The following ADGRB3 variants were observed in gnomAD, a reference collection of about 807,000 sequenced individuals.
ADGRB3 encodes the protein adhesion G protein-coupled receptor B3.
A neutral mutation model predicts 193.4 loss-of-function variants in ADGRB3; 37 were observed. The ratio of observed to expected loss-of-function variants is 0.19; its 90% CI spans 0.15 to 0.25. The LOEUF is 0.25. ADGRB3 is among the 10% of genes least tolerant of loss of function. The pLI is 1.00. For missense variants in ADGRB3, 1,637 were observed against 1,852.9 expected (o/e 0.88, Z 2.14); for synonymous variants, 690 against 644.2 (o/e 1.07, Z -1.08).
intron 17 of ADGRB3, among the ~76,000 whole-genome samples, chr6:69,208,963 G>A (rs1299142980): frequency 6.6e-6 from 1 of 152,190 alleles, no homozygotes; most frequent in Non-Finnish European, 1.5e-5. Context: ...AACAGGCCAA[G>A]AGTTGTCTCT....
intron 20 of ADGRB3, among the ~76,000 whole-genome samples, chr6:69,271,461 C>T (rs994128055): frequency 1.3e-5 from 2 of 151,880 alleles, no homozygotes; most frequent in Admixed American, 1.3e-4. Flanking sequence ...CACCTAAGGT[C>T]AAAAAGGAGA....
At chr6:69,160,107 A>G (rs1043343466) in intron 17 of ADGRB3, among the ~76,000 whole-genome samples, 6 of 152,138 alleles carry the variant, frequency 3.9e-5, no homozygotes, top group Admixed American at 6.6e-5. Context: ...AATTCTAATT[A>G]TTCTGACAGG....
At chr6:69,102,295 G>A (rs1224122956) in intron 17 of ADGRB3, among the ~76,000 whole-genome samples, 1 of 151,824 alleles carries the variant, frequency 6.6e-6, no homozygotes, top group Non-Finnish European at 1.5e-5. Context: ...ACCTAGAAAA[G>A]TGAGCCCAAG....
chr6:69,186,408 G>A (rs1410975177), intron 17 of ADGRB3, among the ~76,000 whole-genome samples: 2 of 151,942 alleles, frequency 1.3e-5, no homozygotes, highest in African/African-American at 4.8e-5. Context: ...TTGCAAAGAT[G>A]GAACATATGC....
At chr6:68,849,451 A>T (rs1342653308) in intron 3 of ADGRB3, among the ~76,000 whole-genome samples, 1 of 152,040 alleles carries the variant, frequency 6.6e-6, no homozygotes, top group Non-Finnish European at 1.5e-5. Context: ...CACTGAAATT[A>T]TCTAAATCAA....
intron 3 of ADGRB3, among the ~76,000 whole-genome samples, chr6:68,658,000 C>T (rs1768532052): frequency 6.6e-6 from 1 of 151,318 alleles, no homozygotes; most frequent in Non-Finnish European, 1.5e-5. Flanking sequence ...ATGGAACAAA[C>T]AACAGACTAC....
chr6:68,968,979 A>G (rs1293416830), intron 8 of ADGRB3, among the ~76,000 whole-genome samples: 1 of 152,170 alleles, frequency 6.6e-6, no homozygotes, highest in Non-Finnish European at 1.5e-5. Flanking sequence ...GAAAATATAA[A>G]ACATTTCTAT....
chr6:68,751,024 G>A (rs1247341563), intron 3 of ADGRB3, among the ~76,000 whole-genome samples: 1 of 152,068 alleles, frequency 6.6e-6, no homozygotes, highest in Non-Finnish European at 1.5e-5. Context: ...TTGAGTGCAG[G>A]TTTCCTCTTC....
intron 17 of ADGRB3, among the ~76,000 whole-genome samples, chr6:69,208,577 G>C (rs1276553206): frequency 6.6e-6 from 1 of 152,228 alleles, no homozygotes; most frequent in Non-Finnish European, 1.5e-5. Flanking sequence ...TGCTGCAGCT[G>C]TCCACTTTAG....
At chr6:69,079,447 T>C (rs1429404500) in intron 17 of ADGRB3, among the ~76,000 whole-genome samples, 1 of 152,118 alleles carries the variant, frequency 6.6e-6, no homozygotes, top group Non-Finnish European at 1.5e-5. Flanking sequence ...GAACTATTTA[T>C]GGCAAACCTA....
At chr6:68,836,251 C>T (rs1167101698) in intron 3 of ADGRB3, among the ~76,000 whole-genome samples, 2 of 152,016 alleles carry the variant, frequency 1.3e-5, no homozygotes, top group Non-Finnish European at 2.9e-5. Context: ...ACACCTAGAT[C>T]TTGTCTTTCT....
intron 17 of ADGRB3, among the ~76,000 whole-genome samples, chr6:69,206,676 T>C (rs748767656): frequency 5.3e-5 from 8 of 152,052 alleles, no homozygotes; most frequent in African/African-American, 1.9e-4. Flanking sequence ...TGTCACATGA[T>C]AAAAAAGAAA....
At chr6:69,008,455 A>G (rs147810345) in intron 11 of ADGRB3, among the ~76,000 whole-genome samples, 199 of 152,232 alleles carry the variant, frequency 1.3e-3, no homozygotes, top group Admixed American at 0.011. Context: ...ATTTTGGACT[A>G]TTGATAATGA....
chr6:68,755,021 T>C (rs1198141296), intron 3 of ADGRB3, among the ~76,000 whole-genome samples: 1 of 152,132 alleles, frequency 6.6e-6, no homozygotes, highest in African/African-American at 2.4e-5. Context: ...AAATTTGTGT[T>C]TGCATGTGCA....
chr6:68,783,477 C>G (rs1418546520), intron 3 of ADGRB3, among the ~76,000 whole-genome samples: 2 of 151,492 alleles, frequency 1.3e-5, no homozygotes, highest in Non-Finnish European at 2.9e-5. Context: ...TCAAGTTGAA[C>G]TTGAAATATG....
Position 68,810,562 on chromosome 6 carries a change from A to T in ADGRB3, c.758-119997A>T, listed in dbSNP as rs921835416. On this transcript the variant is annotated intron_variant, in intron 3 of 31. Coordinates refer to ENST00000370598, the MANE Select transcript of ADGRB3 (RefSeq NM_001704.3). ...TCTTTGAATCAGAGGAAGTCAACGG[A>T]TCTTTCCAGGTCTTAGTTTTCTCCT... 3.3e-5 allele frequency among the ~76,000 whole-genome samples: 5 copies of T among 152,206 alleles called. No individual in the cohort carries two copies. In the East Asian group the frequency reaches 9.6e-4, roughly 29 times the overall value.
intron 3 of ADGRB3, among the ~76,000 whole-genome samples, chr6:68,853,163 G>A (rs7755226): frequency 0.38 from 58,098 of 151,802 alleles, 11,834 homozygotes; most frequent in Middle Eastern, 0.54. Flanking sequence ...CATGAGTAAA[G>A]CTTTAATCTT....
intron 17 of ADGRB3, among the ~76,000 whole-genome samples, chr6:69,076,749 A>AT (rs1404917841): frequency 6.6e-6 from 1 of 151,832 alleles, no homozygotes; most frequent in South Asian, 2.1e-4. Context: ...TATAACTTTT[A>AT]TTTTTTTGCT....
chr6:69,186,544 A>G (rs1357206853), intron 17 of ADGRB3, among the ~76,000 whole-genome samples: 1 of 152,082 alleles, frequency 6.6e-6, no homozygotes, highest in Non-Finnish European at 1.5e-5. Flanking sequence ...AAGTACCTGA[A>G]AAAAGAAAAA....
Sources: allele counts gnomAD v4.1 joint callset (sites outside exome capture counted in the v4.1 genomes callset), GRCh38; gene constraint gnomAD v4.1.1; transcripts MANE v1.5; gene names NCBI Gene and HGNC (gene_info 2026-07-23, HGNC 2026-07-21).